TPX2: variants seen among roughly 807,000 people sequenced by gnomAD.
The protein encoded by TPX2 is targeting protein for Xklp2.
A neutral mutation model predicts 93.6 loss-of-function variants in TPX2; 21 were observed. That is an observed-to-expected ratio of 0.22 (90% confidence interval 0.16 to 0.32). The LOEUF (loss-of-function observed/expected upper bound fraction) is 0.32, where lower values mean the gene tolerates loss of function less well. Ranked by LOEUF, TPX2 falls within the 10% of genes least tolerant of loss-of-function variation. The probability of loss-of-function intolerance (pLI) is 1.00; values close to 1 mark genes in which losing one functional copy is unlikely to be tolerated. For missense variants in TPX2, 776 were observed against 871.1 expected, an observed-to-expected ratio of 0.89 and a Z score of 1.37; for synonymous variants, 281 against 298.3, an observed-to-expected ratio of 0.94 and a Z score of 0.60.
chr20:31,795,911 G>C (rs2062136170), intron 15 of TPX2, among the ~76,000 whole-genome samples: 1 of 152,118 alleles, frequency 6.6e-6, no homozygotes, highest in Non-Finnish European at 1.5e-5. Context: ...TTTCCAAAAG[G>C]AGCTCTAGGC....
At chr20:31,767,464 C>G (rs1454215553) in intron 5 of TPX2, among the ~76,000 whole-genome samples, 1 of 152,066 alleles carries the variant, frequency 6.6e-6, no homozygotes, top group Non-Finnish European at 1.5e-5. Context: ...ACTCGAACTC[C>G]TGGGTTCAAG....
chr20:31,779,255 G>A (rs991136781), intron 10 of TPX2, among the ~76,000 whole-genome samples: 2 of 152,072 alleles, frequency 1.3e-5, no homozygotes, highest in Admixed American at 6.6e-5. Context: ...CATCCTTAAC[G>A]GACATTTTTT....
chr20:31,790,103 C>T (rs2062090937), intron 12 of TPX2, among the ~76,000 whole-genome samples: 1 of 152,172 alleles, frequency 6.6e-6, no homozygotes. Context: ...TGCTAGTGTC[C>T]ACATGTCTAT....
At position 31,793,901 on chromosome 20, in the gene TPX2, G is replaced by T; in HGVS notation, c.1563G>T (p.Val521=). 2.5e-6 allele frequency: 4 copies of T among 1,613,526 alleles called. No individual in the cohort carries two copies. Among genetic ancestry groups the T allele is most frequent in the Non-Finnish European group, 3.4e-6 (4 of 1,179,762 alleles). ...IKAQPVPHYG[V]PFKPQIPEAR... ...CTCAACCTGTGCCACATTATGGGGT[G>T]CCTTTTAAGCCCCAAATCCCAGAGG... is the stretch of plus-strand genomic sequence containing the variant. Residue 521 remains valine, a synonymous_variant, in exon 14 of 18, where the codon GTG becomes GTT. Transcript: ENST00000300403.
chr20:31,758,066 C>T (rs563182375), intron 3 of TPX2, among the ~76,000 whole-genome samples: 1 of 151,028 alleles, frequency 6.6e-6, no homozygotes, highest in Non-Finnish European at 1.5e-5. Context: ...CCATCACAGT[C>T]AAGATCTTTT....
At chr20:31,792,656 G>C in intron 12 of TPX2, 79 bp from the exon 13 acceptor site, 2 of 1,376,990 alleles carry the variant, frequency 1.5e-6, no homozygotes, top group Non-Finnish European at 2.1e-6. Flanking sequence ...ACCCAAAGGG[G>C]AAAAAAGGAT....
At chr20:31,740,186 A>G (rs182860109) in intron 1 of TPX2, among the ~76,000 whole-genome samples, 120 of 152,306 alleles carry the variant, frequency 7.9e-4, no homozygotes, top group African/African-American at 2.7e-3. Flanking sequence ...TTTTCCACAT[A>G]TAATTTTCTA....
intron 2 of TPX2, among the ~76,000 whole-genome samples, chr20:31,749,002 G>C (rs1171739190): frequency 1.3e-5 from 2 of 150,232 alleles, no homozygotes; most frequent in African/African-American, 4.9e-5. Context: ...CTGGAGTGCA[G>C]TGGCGCGATC....
At chr20:31,787,794 G>A (rs939977610) in intron 12 of TPX2, among the ~76,000 whole-genome samples, 1 of 152,154 alleles carries the variant, frequency 6.6e-6, no homozygotes, top group African/African-American at 2.4e-5. Flanking sequence ...AATCAGATAC[G>A]CATTTCTCAG....
At chr20:31,783,046 T>C (rs1408291494) in intron 11 of TPX2, among the ~76,000 whole-genome samples, 1 of 152,130 alleles carries the variant, frequency 6.6e-6, no homozygotes, top group Non-Finnish European at 1.5e-5. Context: ...AAGGGATTGT[T>C]ACAGCTATTA....
chr20:31,786,551 A>C (rs1166338798), intron 12 of TPX2, among the ~76,000 whole-genome samples: 1 of 152,056 alleles, frequency 6.6e-6, no homozygotes, highest in Non-Finnish European at 1.5e-5. Context: ...ATACAGGCAC[A>C]CACCACCATG....
At chr20:31,750,019 C>T (rs963860110) in intron 2 of TPX2, among the ~76,000 whole-genome samples, 1 of 151,892 alleles carries the variant, frequency 6.6e-6, no homozygotes. Context: ...CTCACTGGAA[C>T]CTCCTCCTCC....
chr20:31,781,560 C>T (rs1222604109), intron 10 of TPX2, among the ~76,000 whole-genome samples: 1 of 151,370 alleles, frequency 6.6e-6, no homozygotes, highest in Non-Finnish European at 1.5e-5. Context: ...CCACTGTGAC[C>T]GGCCAGGAAG....
At chr20:31,795,041 T>G (rs989118627) in intron 15 of TPX2, among the ~76,000 whole-genome samples, 1 of 152,158 alleles carries the variant, frequency 6.6e-6, no homozygotes. Context: ...CAGGATGGTC[T>G]CAATTTCCTG....
rs900219266 is a variant in TPX2 at position 31,777,536 on chromosome 20, C to T, written c.780C>T (p.Phe260=). 3.7e-6 allele frequency: 6 copies of T among 1,613,974 alleles called. No individual in the cohort carries two copies. The Admixed American group carries it at 5.0e-5, about 13-fold the overall frequency. The change falls in exon 9 of 18, where the codon TTC becomes TTT. Residue 260 remains phenylalanine, a synonymous_variant. Transcript: ENST00000300403. Reference sequence around the variant, plus strand: ...GCCAGGTCACCAAATCAGTTGACTTCCACTTCCGCACAGATGAGCGAATCA... The same window carrying T: ...GCCAGGTCACCAAATCAGTTGACTTTCACTTCCGCACAGATGAGCGAATCA... ...SVSQVTKSVD[F]HFRTDERIKQ... is the part of the protein sequence containing the mutation.
chr20:31,750,885 T>C (rs956824440), intron 2 of TPX2, among the ~76,000 whole-genome samples: 3 of 152,162 alleles, frequency 2.0e-5, no homozygotes, highest in African/African-American at 7.2e-5. Flanking sequence ...AAATAAATAC[T>C]GCTTAACTAT....
chr20:31,777,037 G>A (rs1198495522), intron 8 of TPX2, among the ~76,000 whole-genome samples: 1 of 152,166 alleles, frequency 6.6e-6, no homozygotes, highest in Non-Finnish European at 1.5e-5. Context: ...CTTTGCTCGG[G>A]CATAGAGTTG....
intron 11 of TPX2, among the ~76,000 whole-genome samples, 188 bp downstream of exon 11, chr20:31,782,578 G>T (rs1302595075): frequency 1.3e-5 from 2 of 152,050 alleles, no homozygotes; most frequent in Non-Finnish European, 2.9e-5. Flanking sequence ...AGATGTTCTG[G>T]AGTATAAACT....
Position 31,757,594 on chromosome 20 carries a change from C to G in TPX2, c.106+12C>G, listed in dbSNP as rs746036420. 3.1e-6 allele frequency: 5 copies of G among 1,601,770 alleles called. No individual in the cohort carries two copies. The highest frequency in any genetic ancestry group is 1.7e-4 in the Middle Eastern group (1 of 6,046). On this transcript the variant is annotated intron_variant, in intron 3 of 17. Transcript: ENST00000300403. Reference sequence around the variant, plus strand: ...AGATTCATGGTTTGGTAAGTGCCTGCTTTCTCTGGCTATTTTAAGGATTAG... The same window carrying G: ...AGATTCATGGTTTGGTAAGTGCCTGGTTTCTCTGGCTATTTTAAGGATTAG...
Sources: gnomAD v4.1 joint callset for allele counts (sites outside exome capture counted in the v4.1 genomes callset) on GRCh38, gnomAD v4.1.1 for gene constraint, MANE v1.5 for transcripts, NCBI Gene and HGNC (gene_info 2026-07-23, HGNC 2026-07-21) for gene names.